ANK3: variants seen among roughly 807,000 people sequenced by gnomAD.
ANK3 encodes ankyrin 3.
Under a neutral mutation model 370.9 loss-of-function variants are expected in ANK3, and 57 were observed. That is an observed-to-expected ratio of 0.15 (90% CI 0.12 to 0.19). The LOEUF is 0.19. Among genes scored for constraint, ANK3 ranks in the 10% least tolerant of loss-of-function variants. The pLI is 1.00. For synonymous variants in ANK3, 1,929 were observed against 1,946.3 expected (o/e 0.99, Z 0.23); for missense variants, 4,439 against 5,302.1 (o/e 0.84, Z 5.06).
At chr10:60,238,178 C>T (rs766007948) in intron 7 of ANK3, among the ~76,000 whole-genome samples, 14 of 152,190 alleles carry the variant, frequency 9.2e-5, no homozygotes, top group African/African-American at 3.4e-4. Context: ...GATTCCTCAG[C>T]TAACCAATAA....
chr10:60,339,443 T>A (rs532661304), intron 1 of ANK3, among the ~76,000 whole-genome samples: 1 of 152,272 alleles, frequency 6.6e-6, no homozygotes, highest in East Asian at 1.9e-4. Flanking sequence ...TCTCATATGG[T>A]CTCTGAATCA....
At chr10:60,580,100 G>T (rs1595312219) in intron 2 of ANK3, among the ~76,000 whole-genome samples, 2 of 152,162 alleles carry the variant, frequency 1.3e-5, no homozygotes, top group South Asian at 4.2e-4. Context: ...GCATTTCTTT[G>T]GCTGGTAGAA....
chr10:60,554,468 A>G (rs2077163439), intron 2 of ANK3, among the ~76,000 whole-genome samples: 2 of 152,148 alleles, frequency 1.3e-5, no homozygotes, highest in Non-Finnish European at 2.9e-5. Flanking sequence ...ATCTTTTTAC[A>G]AATGATATCT....
intron 6 of ANK3, among the ~76,000 whole-genome samples, chr10:60,263,457 T>C (rs2097839160): frequency 6.6e-6 from 1 of 152,228 alleles, no homozygotes. Flanking sequence ...TGGCCTGTCA[T>C]CTTGGGTATC....
intron 16 of ANK3, among the ~76,000 whole-genome samples, chr10:60,187,772 C>T (rs1202572193): frequency 6.6e-6 from 1 of 152,156 alleles, no homozygotes; most frequent in Non-Finnish European, 1.5e-5. Context: ...CAAAACCTGT[C>T]TTCATGCTGG....
chr10:60,035,874 ATAT>A (rs749124762), intron 43 of ANK3, among the ~76,000 whole-genome samples: 4 of 151,366 alleles, frequency 2.6e-5, no homozygotes, highest in Non-Finnish European at 5.9e-5. Flanking sequence ...AAAATAAAAA[ATAT>A]TATATATTTT....
In ANK3 at chr10:60,522,346, C is replaced by CTT. The variant is rs11425050; in HGVS notation, c.96+92838_96+92839dup. Among the ~76,000 whole-genome samples, 236 of 144,560 alleles carry CTT rather than the reference C, an allele frequency of 1.6e-3. 2 individuals are homozygous for CTT. The highest frequency in any genetic ancestry group is 3.6e-3 in the Middle Eastern group (1 of 276). The allele number at this position is 144,560 out of a possible 152,430, so 94.8% of individuals were successfully genotyped here. ...GGACTGCTAGGGTTCCATATTGAGA[C>CTT]TTTTTTTTTTTTTCTGTAGCCAATG... On this transcript the variant is annotated intron_variant, in intron 2 of 43. Coordinates refer to the ANK3 transcript ENST00000373827.
chr10:60,656,709 A>G (rs2078868896), intron 1 of ANK3, among the ~76,000 whole-genome samples: 1 of 152,190 alleles, frequency 6.6e-6, no homozygotes, highest in African/African-American at 2.4e-5. Context: ...TATTTTTTAC[A>G]AACATTGATA....
intron 1 of ANK3, among the ~76,000 whole-genome samples, chr10:60,388,535 A>G (rs930074079): frequency 6.6e-6 from 1 of 152,162 alleles, no homozygotes; most frequent in African/African-American, 2.4e-5. Flanking sequence ...ATTTTTATTA[A>G]TTATCATGGA....
chr10:60,278,327 A>T lies in ANK3; in HGVS notation c.414+447T>A, dbSNP rs112764893. On this transcript the variant is annotated intron_variant, in intron 4 of 43. Coordinates refer to ENST00000280772, the MANE Select transcript of ANK3 (RefSeq NM_020987.5). Reference sequence around the variant, plus strand: ...AGGCCGCTTTAAAAATCTCTCTCTCACACACATATATATTGCAAATGAAAA... The same window carrying T: ...AGGCCGCTTTAAAAATCTCTCTCTCTCACACATATATATTGCAAATGAAAA... Among the ~76,000 whole-genome samples the T allele has an allele frequency of 1.9e-3, 285 of 152,280 alleles. 2 individuals carry two copies. The highest frequency in any genetic ancestry group is 6.6e-3 in the African/African-American group (273 of 41,556).
At chr10:60,441,229 T>C (rs1182305281) in intron 2 of ANK3, among the ~76,000 whole-genome samples, 2 of 152,198 alleles carry the variant, frequency 1.3e-5, no homozygotes, top group African/African-American at 4.8e-5. Flanking sequence ...AGCATTACTA[T>C]TTTTATCAAA....
chr10:60,387,471 TATGA>T (rs1427529253), intron 1 of ANK3, among the ~76,000 whole-genome samples: 4 of 152,202 alleles, frequency 2.6e-5, no homozygotes, highest in Non-Finnish European at 4.4e-5. Context: ...ATAATTGGAC[TATGA>T]ATATTATATC....
chr10:60,074,065 T>G lies in ANK3; in HGVS notation c.6816A>C (p.Ser2272=). 6.2e-7 allele frequency: 1 copy of G among 1,614,132 alleles called. No individual in the cohort carries two copies. Among genetic ancestry groups the G allele is most frequent in the South Asian group, 1.1e-5 (1 of 91,078 alleles). ...GAAAGGCCTTCATGATGTCATGGAC[T>G]GACATGGTTTCTTCAATTCTTTCAG... The part of the protein sequence containing the change: ...GASERIEETM[S]VHDIMKAFQS... Residue 2272 remains serine (S), a synonymous_variant, in exon 37 of 44, where the codon TCA becomes TCC. Coordinates refer to ENST00000280772, the MANE Select transcript of ANK3 (RefSeq NM_020987.5).
chr10:60,100,876 ATAATG>A (rs1469793852), intron 28 of ANK3, among the ~76,000 whole-genome samples: 1 of 152,254 alleles, frequency 6.6e-6, no homozygotes, highest in Admixed American at 6.5e-5. Flanking sequence ...CAGTAAAAAT[ATAATG>A]TAAACTGGGT....
At chr10:60,373,380 TG>T (rs1256217944) in intron 1 of ANK3, among the ~76,000 whole-genome samples, 1 of 152,092 alleles carries the variant, frequency 6.6e-6, no homozygotes, top group Non-Finnish European at 1.5e-5. Context: ...AACAAGATCC[TG>T]GGAGTTGAAG....
chr10:60,337,015 G>GA (rs1213567367), intron 1 of ANK3, among the ~76,000 whole-genome samples: 1 of 121,594 alleles, frequency 8.2e-6, no homozygotes, highest in East Asian at 3.0e-4. Context: ...TTGTCATCAA[G>GA]AAAAAGGCTT....
intron 23 of ANK3, among the ~76,000 whole-genome samples, chr10:60,164,412 C>T (rs2095570336): frequency 6.7e-6 from 1 of 149,396 alleles, no homozygotes; most frequent in South Asian, 2.1e-4. Flanking sequence ...TGAGATGGCA[C>T]AGACATATTG....
chr10:60,733,163 G>C, intron 1 of ANK3: 2 of 1,039,544 alleles, frequency 1.9e-6, no homozygotes, highest in Non-Finnish European at 1.2e-6. Flanking sequence ...CAGGAGGGCA[G>C]GACTCCTGGG....
intron 1 of ANK3, among the ~76,000 whole-genome samples, chr10:60,658,634 G>A (rs567664617): frequency 6.6e-6 from 1 of 152,160 alleles, no homozygotes; most frequent in East Asian, 1.9e-4. Flanking sequence ...ATTCTTTCCT[G>A]TGGATCCAAG....
Sources: gnomAD v4.1 joint callset for allele counts (sites outside exome capture counted in the v4.1 genomes callset) on GRCh38, gnomAD v4.1.1 for gene constraint, MANE v1.5 for transcripts, NCBI Gene and HGNC (gene_info 2026-07-23, HGNC 2026-07-21) for gene names.